CELF2: variants seen among roughly 807,000 people sequenced by gnomAD.
CELF2 encodes CUGBP Elav-like family member 2.
Under a neutral mutation model 62.6 loss-of-function variants are expected in CELF2, and 8 were observed. The ratio of observed to expected loss-of-function variants is 0.13; its 90% CI spans 0.07 to 0.23. The LOEUF (loss-of-function observed/expected upper bound fraction) is 0.23. CELF2 is among the 10% of genes least tolerant of loss of function. The pLI, the probability that CELF2 is intolerant of heterozygous loss-of-function variation, is 1.00. For synonymous variants in CELF2, 258 were observed against 250.0 expected (o/e 1.03, Z -0.30); for missense variants, 333 against 671.0 (o/e 0.50, Z 5.56).
At chr10:10,638,740 T>A in the CELF2 span, among the ~76,000 whole-genome samples, 3 of 152,192 alleles carry the variant, frequency 2.0e-5, no homozygotes, top group African/African-American at 7.2e-5. Context: ...AGGCAATAAC[T>A]GTTGGCAAAG....
intron 3 of CELF2, among the ~76,000 whole-genome samples, chr10:11,235,512 C>T (rs1394956330): frequency 6.6e-6 from 1 of 152,154 alleles, no homozygotes; most frequent in African/African-American, 2.4e-5. Context: ...CAGTATTTTC[C>T]AAAGTTGGTG....
At chr10:10,584,186 A>C in the CELF2 span, among the ~76,000 whole-genome samples, 7 of 152,180 alleles carry the variant, frequency 4.6e-5, no homozygotes, top group Non-Finnish European at 8.8e-5. Flanking sequence ...GATAAAAGAA[A>C]AATTTTGACT....
rs1398204980 is a variant in CELF2, at chr10:11,285,828, T to TGG, written c.842-2589_842-2588insGG. On this transcript the variant is annotated intron_variant, in intron 8 of 12. Coordinates refer to ENST00000633077, the MANE Select transcript of CELF2 (RefSeq NM_001326342.2). The surrounding 1 kb of genome is among the most constrained non-coding windows in gnomAD (Gnocchi z 4.3). The stretch of plus-strand genomic sequence containing the variant: ...GCTCATCACCTACTATATATATTGG[T>TGG]GTGTGTGTGTGTGTGTGTGTGTGTG... Among the ~76,000 whole-genome samples the TGG allele has an allele frequency of 3.9e-3, 49 of 12,670 alleles. No individual in the cohort carries two copies. The highest frequency in any genetic ancestry group is 0.013 in the African/African-American group (49 of 3,750). The allele number at this position is 12,670 out of a possible 152,430, so 8.3% of individuals were successfully genotyped here.
In CELF2 at chr10:11,202,901, A is replaced by ATCTC. The variant is rs56373613; in HGVS notation, c.272-14476_272-14473dup. Among the ~76,000 whole-genome samples, 363 of 70,830 alleles carry ATCTC rather than the reference A, an allele frequency of 5.1e-3. 9 individuals are homozygous for ATCTC. In the East Asian group the frequency reaches 0.052, roughly 10 times the overall value. 46.5% of individuals were successfully genotyped at this position (70,830 alleles called of 152,430 possible). A position where few individuals can be genotyped will look rare whatever the true frequency, so the allele number is the denominator to read the frequency against. On this transcript the variant is annotated intron_variant, in intron 2 of 12. Transcript: ENST00000633077. ...TGCCTGCCTTCCCACCCCCATCCTC[A>ATCTC]TCTCTCTCTCTCTCTCTCTCTCTCT... is the stretch of plus-strand genomic sequence containing the variant.
At chr10:11,023,064 C>A (rs2058596885) in intron 1 of CELF2, among the ~76,000 whole-genome samples, 1 of 152,182 alleles carries the variant, frequency 6.6e-6, no homozygotes, top group Admixed American at 6.5e-5. Context: ...TAGAGTATTA[C>A]CGTTTGGGAG....
the CELF2 span, among the ~76,000 whole-genome samples, chr10:10,681,248 AC>A: frequency 2.0e-5 from 3 of 152,174 alleles, no homozygotes; most frequent in African/African-American, 7.2e-5. Flanking sequence ...GGGCCCCAGG[AC>A]AAAATACAGT....
At chr10:10,663,805 C>A in the CELF2 span, among the ~76,000 whole-genome samples, 1 of 152,198 alleles carries the variant, frequency 6.6e-6, no homozygotes, top group African/African-American at 2.4e-5. Flanking sequence ...ACATTTCTAA[C>A]TCAACAGTAG....
At chr10:10,985,343 A>T (rs2052619992) in intron 2 of CELF2, among the ~76,000 whole-genome samples, 1 of 152,176 alleles carries the variant, frequency 6.6e-6, no homozygotes, top group Admixed American at 6.5e-5. Context: ...AAAAAAAAAA[A>T]AATAAGGCTT....
the CELF2 span, among the ~76,000 whole-genome samples, chr10:10,632,033 G>C: frequency 6.6e-6 from 1 of 152,274 alleles, no homozygotes; most frequent in African/African-American, 2.4e-5. Context: ...CCAATGTCCA[G>C]CACACAGCAG....
At chr10:10,948,269 T>C (rs11256931) in intron 2 of CELF2, 1 of 152,298 alleles carries the variant, frequency 6.6e-6, no homozygotes, top group African/African-American at 2.4e-5. Context: ...TCATGCTGCA[T>C]CTTCTCTAGC....
chr10:11,225,580 G>A (rs961977940), intron 3 of CELF2, among the ~76,000 whole-genome samples: 3 of 152,168 alleles, frequency 2.0e-5, no homozygotes, highest in Non-Finnish European at 2.9e-5. Flanking sequence ...GATTGTCTGG[G>A]CATCTGCTTT....
rs2054051808 is a variant in CELF2, at chr10:10,997,230, T to G, written c.89+77231T>G. On this transcript the variant is annotated intron_variant, in intron 2 of 13. Transcript: ENST00000636488. This position sits in a 1 kb window ranked among gnomAD's most constrained non-coding sequence, Gnocchi z 5.3. ...TGATAATGCAGATTTACGGGATGGC[T>G]CTCATAGCTAAGTGATGCAAGCCTT... Among the ~76,000 whole-genome samples the G allele has an allele frequency of 6.6e-6, 1 of 152,140 alleles. No homozygotes were observed. The highest frequency in any genetic ancestry group is 1.5e-5 in the Non-Finnish European group (1 of 68,022).
At chr10:10,879,868 C>A (rs79575719) in intron 1 of CELF2, among the ~76,000 whole-genome samples, 3,420 of 152,270 alleles carry the variant, frequency 0.022, 138 homozygotes, top group African/African-American at 0.078. Flanking sequence ...ACTTTCTGAA[C>A]CTTCTTGTCT....
At chr10:11,090,046 C>G (rs916374437) in intron 1 of CELF2, among the ~76,000 whole-genome samples, 2 of 152,126 alleles carry the variant, frequency 1.3e-5, no homozygotes, top group African/African-American at 2.4e-5. Context: ...GGGAAGGGGA[C>G]AGACATCAAA....
the CELF2 span, among the ~76,000 whole-genome samples, chr10:10,488,322 G>T: frequency 6.6e-6 from 1 of 152,070 alleles, no homozygotes; most frequent in South Asian, 2.1e-4. Context: ...AATTCTAGGA[G>T]AGCTACTTGT....
At chr10:11,199,756 A>T (rs2058795132) in intron 2 of CELF2, among the ~76,000 whole-genome samples, 1 of 152,162 alleles carries the variant, frequency 6.6e-6, no homozygotes, top group South Asian at 2.1e-4. Flanking sequence ...TTCTATGCAA[A>T]ATCTGTCCAT....
Position 11,145,879 on chromosome 10 carries a change from T to G in CELF2, c.75-19607T>G, listed in dbSNP as rs115127189. On this transcript the variant is annotated intron_variant, in intron 1 of 12. Coordinates refer to ENST00000633077, the MANE Select transcript of CELF2 (RefSeq NM_001326342.2). This position sits in a 1 kb window ranked among gnomAD's most constrained non-coding sequence, Gnocchi z 4.3. The stretch of plus-strand genomic sequence containing the variant: ...GATTTTATATACGTTGTTTACATTT[T>G]ATGAGAGAATTATTCCTTATGTATA... Among the ~76,000 whole-genome samples the G allele has an allele frequency of 0.012, 1,774 of 152,360 alleles. 29 individuals are homozygous for G. The highest frequency in any genetic ancestry group is 0.04 in the African/African-American group (1,681 of 41,564).
the CELF2 span, among the ~76,000 whole-genome samples, chr10:10,688,338 C>T: frequency 6.6e-6 from 1 of 152,164 alleles, no homozygotes; most frequent in Non-Finnish European, 1.5e-5. Flanking sequence ...GACAGTGAAG[C>T]AAAGCTATGA....
At position 11,268,139 on chromosome 10, in the gene CELF2, T is replaced by C. The variant is rs952603577; in HGVS notation, c.618+1462T>C. Among the ~76,000 whole-genome samples the C allele has an allele frequency of 6.6e-6, 1 of 152,138 alleles. No homozygotes were observed. The highest frequency in any genetic ancestry group is 6.5e-5 in the Admixed American group (1 of 15,276). On this transcript the variant is annotated intron_variant, in intron 6 of 12. Transcript: ENST00000633077. This position sits in a 1 kb window ranked among gnomAD's most constrained non-coding sequence, Gnocchi z 4.7. ...TCCCTCTTTCTCTTACTGAGGCCGC[T>C]CCATTCCTGTGGATTAGCCTGATTT...
Sources: allele counts gnomAD v4.1 joint callset (sites outside exome capture counted in the v4.1 genomes callset), GRCh38; gene constraint gnomAD v4.1.1; non-coding constraint Gnocchi (gnomAD v3.1); transcripts MANE v1.5; gene names NCBI Gene and HGNC (gene_info 2026-07-23, HGNC 2026-07-21).